RHOBTB1: variants seen among roughly 807,000 people sequenced by gnomAD.
The protein encoded by RHOBTB1 is rho-related BTB domain-containing protein 1.
In RHOBTB1, 40 loss-of-function variants were observed where a neutral mutation model predicts 71.6. That is an observed-to-expected ratio of 0.56 (90% CI 0.43 to 0.73). The LOEUF is 0.73. Among genes scored for constraint, RHOBTB1 ranks in the 30% least tolerant of loss-of-function variants. RHOBTB1 has a pLI of 0.00. For synonymous variants in RHOBTB1, 319 were observed against 334.9 expected (o/e 0.95, Z 0.52); for missense variants, 797 against 894.0 (o/e 0.89, Z 1.38).
At chr10:60,955,440 C>T (rs548702976) in intron 2 of RHOBTB1, among the ~76,000 whole-genome samples, 29 of 152,208 alleles carry the variant, frequency 1.9e-4, no homozygotes, top group African/African-American at 6.7e-4. Context: ...CAAAAAAATG[C>T]TGTACAGACA....
At chr10:60,981,930 T>C (rs972801566) in intron 2 of RHOBTB1, among the ~76,000 whole-genome samples, 39 of 152,196 alleles carry the variant, frequency 2.6e-4, no homozygotes, top group African/African-American at 9.1e-4. Context: ...CCACCATGCC[T>C]GGCTAATTTT....
chr10:60,949,311 T>TA (rs1466934269), intron 2 of RHOBTB1, among the ~76,000 whole-genome samples: 2 of 152,212 alleles, frequency 1.3e-5, no homozygotes, highest in African/African-American at 4.8e-5. Flanking sequence ...CATCAAGGCA[T>TA]AACCTACCAT....
At chr10:60,905,512 T>C in intron 4 of RHOBTB1, among the ~76,000 whole-genome samples, 1 of 142,178 alleles carries the variant, frequency 7.0e-6, no homozygotes, top group Non-Finnish European at 1.5e-5. Context: ...GTGGACAAAG[T>C]ATCAAAATTT....
the RHOBTB1 span, among the ~76,000 whole-genome samples, chr10:60,861,096 G>A: frequency 6.6e-6 from 1 of 152,172 alleles, no homozygotes. Flanking sequence ...TAGATAATTG[G>A]CAGCACACTG....
rs190608127 is a variant in RHOBTB1, at chr10:60,876,580, C to T, written c.1726+1328G>A. 2.0e-5 allele frequency among the ~76,000 whole-genome samples: 3 copies of T among 152,236 alleles called. No individual in the cohort carries two copies. In the East Asian group the frequency reaches 5.8e-4, roughly 29 times the overall value. ...GTATCCTCAGGAATAATTTATAAAA[C>T]CTGTGGATAGTTAGATGGCTTGGAA... is the stretch of plus-strand genomic sequence containing the variant. On this transcript the variant is annotated intron_variant, in intron 8 of 10. Transcript: ENST00000337910.
At chr10:60,878,604 C>A (rs1007484671) in intron 7 of RHOBTB1, among the ~76,000 whole-genome samples, 20 of 152,348 alleles carry the variant, frequency 1.3e-4, no homozygotes, top group Non-Finnish European at 2.5e-4. Context: ...TTTTTTACTA[C>A]AACCACATGG....
At chr10:60,936,659 C>T (rs1401041642) in intron 2 of RHOBTB1, among the ~76,000 whole-genome samples, 1 of 152,204 alleles carries the variant, frequency 6.6e-6, no homozygotes, top group Non-Finnish European at 1.5e-5. Flanking sequence ...AGAACAGCAG[C>T]ACTGGCATCA....
intron 2 of RHOBTB1, among the ~76,000 whole-genome samples, chr10:60,979,527 C>T (rs867732847): frequency 1.3e-5 from 2 of 152,080 alleles, no homozygotes; most frequent in Non-Finnish European, 2.9e-5. Context: ...CAAATTATGG[C>T]TCTGAGGGAA....
At chr10:60,878,253 A>G (rs2081139972) in intron 7 of RHOBTB1, among the ~76,000 whole-genome samples, 195 bp from the exon 8 acceptor site, 1 of 152,202 alleles carries the variant, frequency 6.6e-6, no homozygotes, top group Non-Finnish European at 1.5e-5. Context: ...TTGACAAAAG[A>G]GTGGAGCTGC....
intron 1 of RHOBTB1, among the ~76,000 whole-genome samples, chr10:60,942,446 A>G (rs190641049): frequency 6.6e-6 from 1 of 152,330 alleles, no homozygotes; most frequent in Admixed American, 6.5e-5. Flanking sequence ...TAGTATATTG[A>G]CTATGATATT....
chr10:60,882,298 A>G (rs1023054436), intron 7 of RHOBTB1, among the ~76,000 whole-genome samples: 1 of 152,130 alleles, frequency 6.6e-6, no homozygotes, highest in African/African-American at 2.4e-5. Context: ...AATTGTGAAG[A>G]TTAGCTGAGA....
chr10:60,910,537 C>T (rs554448366), intron 4 of RHOBTB1, among the ~76,000 whole-genome samples: 24 of 152,146 alleles, frequency 1.6e-4, no homozygotes, highest in African/African-American at 5.8e-4. Context: ...GACCAAGTGC[C>T]AAAATAACTT....
At position 60,888,372 on chromosome 10, in the gene RHOBTB1, G is replaced by A; in HGVS notation, c.1296C>T (p.Gly432=). The change falls in exon 6 of 11, where the codon GGC becomes GGT. Residue 432 remains glycine (G), a synonymous_variant. Coordinates refer to ENST00000337910, the MANE Select transcript of RHOBTB1 (RefSeq NM_014836.5). ...QLDEKEKDLV[G]LAQIAEVLEM... ...CGAGGACCTCTGCGATCTGAGCCAG[G>A]CCCACCAAATCCTTTTCCTTTTCAT... is the stretch of plus-strand genomic sequence containing the variant. 6.2e-7 allele frequency: 1 copy of A among 1,614,102 alleles called. No individual in the cohort carries two copies. Among genetic ancestry groups the A allele is most frequent in the Non-Finnish European group, 8.5e-7 (1 of 1,180,016 alleles).
chr10:60,910,716 ACAT>A (rs1205276192), intron 4 of RHOBTB1, among the ~76,000 whole-genome samples, 168 bp downstream of exon 4: 2 of 152,162 alleles, frequency 1.3e-5, no homozygotes, highest in African/African-American at 4.8e-5. Context: ...TCTTTTCTTG[ACAT>A]CAGGAAACAA....
chr10:60,885,655 C>T (rs571997851), intron 7 of RHOBTB1, among the ~76,000 whole-genome samples: 2 of 152,286 alleles, frequency 1.3e-5, no homozygotes, highest in East Asian at 3.9e-4. Flanking sequence ...TTCTCAAGGT[C>T]CCCTGTCTGG....
At chr10:60,948,322 A>G (rs562994733), upstream of RHOBTB1, among the ~76,000 whole-genome samples, 2 of 152,354 alleles carry the variant, frequency 1.3e-5, no homozygotes, top group East Asian at 3.9e-4. Flanking sequence ...TTTATCAAGA[A>G]CATTCTTAGG....
At chr10:60,956,390 A>G (rs958179664) in intron 2 of RHOBTB1, among the ~76,000 whole-genome samples, 11 of 152,190 alleles carry the variant, frequency 7.2e-5, no homozygotes, top group African/African-American at 2.7e-4. Context: ...ATTACTACAC[A>G]TTCCTGTAGA....
chr10:60,998,002 G>A (rs2087117307), intron 1 of RHOBTB1, among the ~76,000 whole-genome samples: 1 of 152,140 alleles, frequency 6.6e-6, no homozygotes, highest in African/African-American at 2.4e-5. Flanking sequence ...TAAAACAATG[G>A]CTGAGACTAT....
chr10:60,872,621 C>A (rs2080852755), intron 9 of RHOBTB1, among the ~76,000 whole-genome samples: 1 of 151,624 alleles, frequency 6.6e-6, no homozygotes, highest in African/African-American at 2.4e-5. Flanking sequence ...AAGGCACCAG[C>A]CCACAGCAGA....
Sources: gnomAD v4.1 joint callset for allele counts (sites outside exome capture counted in the v4.1 genomes callset) on GRCh38, gnomAD v4.1.1 for gene constraint, MANE v1.5 for transcripts, NCBI Gene and HGNC (gene_info 2026-07-23, HGNC 2026-07-21) for gene names.